The following HEATR5B variants were observed in gnomAD, a reference collection of about 807,000 sequenced individuals.
HEATR5B encodes HEAT repeat-containing protein 5B.
In HEATR5B, 156 loss-of-function variants were observed where a neutral mutation model predicts 224.1. The observed-to-expected ratio is 0.70, with a 90% CI of 0.61 to 0.80. The LOEUF is 0.80. Ranked by LOEUF, HEATR5B falls within the 30% of genes least tolerant of loss-of-function variation. The pLI is 0.00. For missense variants in HEATR5B, 2,323 were observed against 2,535.5 expected, an observed-to-expected ratio of 0.92 and a Z score of 1.80; for synonymous variants, 1,027 against 893.0, an observed-to-expected ratio of 1.15 and a Z score of -2.68.
chr2:37,026,826 T>C (rs1668808427), intron 24 of HEATR5B, among the ~76,000 whole-genome samples: 1 of 152,178 alleles, frequency 6.6e-6, no homozygotes, highest in Non-Finnish European at 1.5e-5. Context: ...TGAGACAGAG[T>C]CTTGCTCTGT....
intron 12 of HEATR5B, among the ~76,000 whole-genome samples, chr2:37,060,135 A>G (rs1449989842): frequency 6.6e-6 from 1 of 152,246 alleles, no homozygotes; most frequent in Non-Finnish European, 1.5e-5. Flanking sequence ...TCTGAAAAAT[A>G]TATGAAGGTT....
At chr2:37,011,532 C>G (rs1352466745) in intron 27 of HEATR5B, among the ~76,000 whole-genome samples, 1 of 152,088 alleles carries the variant, frequency 6.6e-6, no homozygotes, top group East Asian at 1.9e-4. Context: ...ACCTCAATTT[C>G]TGGGTTTTCA....
chr2:37,047,467 T>C (rs1670277476), intron 18 of HEATR5B, among the ~76,000 whole-genome samples: 1 of 152,238 alleles, frequency 6.6e-6, no homozygotes, highest in African/African-American at 2.4e-5. Flanking sequence ...GCAGAATCAA[T>C]GTTCACAGTG....
intron 33 of HEATR5B, among the ~76,000 whole-genome samples, chr2:36,995,954 G>C (rs1323156171): frequency 2.0e-5 from 3 of 151,234 alleles, no homozygotes; most frequent in Non-Finnish European, 4.4e-5. Context: ...GGTGCGATCT[G>C]GGCTCACTGC....
At chr2:37,016,813 T>A (rs990273162) in intron 26 of HEATR5B, among the ~76,000 whole-genome samples, 5 of 152,168 alleles carry the variant, frequency 3.3e-5, no homozygotes, top group African/African-American at 1.2e-4. Flanking sequence ...CTCAAAGAAT[T>A]CAAAACTAAT....
chr2:37,043,538 A>G (rs1050409291), intron 18 of HEATR5B, among the ~76,000 whole-genome samples: 1 of 152,208 alleles, frequency 6.6e-6, no homozygotes, highest in South Asian at 2.1e-4. Flanking sequence ...GTTTCAATGG[A>G]AAGTCATTAG....
chr2:37,043,223 C>T lies in HEATR5B; in HGVS notation c.2697-1931G>A, dbSNP rs1011342425. 1.1e-4 allele frequency among the ~76,000 whole-genome samples: 16 copies of T among 152,148 alleles called. 1 individual carries two copies. Among genetic ancestry groups the T allele is most frequent in the Admixed American group, 1.0e-3 (16 of 15,272 alleles). ...GACCCTGAAGCATTTCTTTAAAGAA[C>T]TGTAACAGGAGATGGAACATGGCTT... On this transcript the variant is annotated intron_variant, in intron 18 of 35. Coordinates refer to ENST00000233099, the MANE Select transcript of HEATR5B (RefSeq NM_019024.3).
chr2:36,998,528 C>G (rs1666876487), intron 33 of HEATR5B, among the ~76,000 whole-genome samples: 1 of 152,146 alleles, frequency 6.6e-6, no homozygotes, highest in African/African-American at 2.4e-5. Context: ...GATTCTACTT[C>G]TAGGTGTACA....
chr2:37,036,518 T>A lies in HEATR5B; in HGVS notation c.3216+1337A>T, dbSNP rs974202070. On this transcript the variant is annotated intron_variant, in intron 21 of 35. Coordinates refer to ENST00000233099, the MANE Select transcript of HEATR5B (RefSeq NM_019024.3). The stretch of plus-strand genomic sequence containing the variant: ...AAATCACACCTTAAATATCAATTGT[T>A]TTTTTTTTTTGAGACAGAGTTTCAC... 2.1e-4 allele frequency among the ~76,000 whole-genome samples: 5 copies of A among 24,306 alleles called. No individual in the cohort carries two copies. In the African/African-American group the frequency reaches 2.6e-3, roughly 13 times the overall value. The allele number at this position is 24,306 out of a possible 152,430, so 15.9% of individuals were successfully genotyped here. A position where few individuals can be genotyped will look rare whatever the true frequency, so the allele number is the denominator to read the frequency against.
chr2:37,001,976 T>G (rs1490386938), intron 32 of HEATR5B, among the ~76,000 whole-genome samples: 2 of 152,326 alleles, frequency 1.3e-5, no homozygotes, highest in East Asian at 3.9e-4. Flanking sequence ...CTTGAGTTTT[T>G]CAGTGTCACT....
At chr2:37,031,379 A>G (rs902582020) in intron 22 of HEATR5B, among the ~76,000 whole-genome samples, 2 of 151,014 alleles carry the variant, frequency 1.3e-5, no homozygotes, top group African/African-American at 4.9e-5. Context: ...TAATAAAAAT[A>G]TATTTTGTAA....
At chr2:37,051,817 G>A (rs920682851) in intron 17 of HEATR5B, among the ~76,000 whole-genome samples, 1 of 151,400 alleles carries the variant, frequency 6.6e-6, no homozygotes, top group Non-Finnish European at 1.5e-5. Context: ...TCGGCTCATT[G>A]CAACCTCTGC....
intron 22 of HEATR5B, among the ~76,000 whole-genome samples, chr2:37,031,874 G>A (rs944309792): frequency 1.3e-5 from 2 of 151,744 alleles, no homozygotes; most frequent in African/African-American, 4.8e-5. Flanking sequence ...CCTACACCTA[G>A]ATATCAGAAG....
At chr2:36,999,577 G>A (rs545813899) in intron 33 of HEATR5B, among the ~76,000 whole-genome samples, 58 of 152,118 alleles carry the variant, frequency 3.8e-4, no homozygotes, top group Admixed American at 9.8e-4. Context: ...TACTTGGGAG[G>A]CTGAGGCATG....
chr2:37,012,572 CAG>C (rs1389937626), intron 27 of HEATR5B, among the ~76,000 whole-genome samples: 1 of 151,960 alleles, frequency 6.6e-6, no homozygotes, highest in Non-Finnish European at 1.5e-5. Flanking sequence ...GTATTTTTAG[CAG>C]AGACAGTGTT....
chr2:37,041,117 A>G lies in HEATR5B; in HGVS notation c.2856+16T>C, dbSNP rs1669844063. On this transcript the variant is annotated intron_variant, in intron 19 of 35. Transcript: ENST00000233099. ...TTTTCTAAACTTTTGTAATAAAAAAACCAATTATATTATACCTGGACTTCA... is the reference window on the plus strand; with the variant it reads ...TTTTCTAAACTTTTGTAATAAAAAAGCCAATTATATTATACCTGGACTTCA... 6.3e-7 allele frequency: 1 copy of G among 1,584,364 alleles called. No individual in the cohort carries two copies. Among genetic ancestry groups the G allele is most frequent in the Non-Finnish European group, 8.6e-7 (1 of 1,168,714 alleles).
At chr2:37,047,416 T>C (rs1172717178) in intron 18 of HEATR5B, among the ~76,000 whole-genome samples, 1 of 152,250 alleles carries the variant, frequency 6.6e-6, no homozygotes, top group Non-Finnish European at 1.5e-5. Context: ...GTTACCTTTG[T>C]GTTATTATTT....
At chr2:37,015,028 CAAGT>C (rs1668029429) in intron 26 of HEATR5B, among the ~76,000 whole-genome samples, 1 of 151,962 alleles carries the variant, frequency 6.6e-6, no homozygotes, top group Non-Finnish European at 1.5e-5. Flanking sequence ...TCCCTACCCT[CAAGT>C]AAGAAAACAC....
chr2:37,049,238 G>C (rs988258311), intron 18 of HEATR5B, among the ~76,000 whole-genome samples: 3 of 152,108 alleles, frequency 2.0e-5, no homozygotes, highest in Admixed American at 6.5e-5. Context: ...TAATTTAAGA[G>C]ATAAACTTGG....
Sources: allele counts gnomAD v4.1 joint callset (sites outside exome capture counted in the v4.1 genomes callset), GRCh38; gene constraint gnomAD v4.1.1; transcripts MANE v1.5; gene names NCBI Gene and HGNC (gene_info 2026-07-23, HGNC 2026-07-21).